The following TBC1D5 variants were observed in gnomAD, a reference collection of about 807,000 sequenced individuals.
TBC1D5 encodes TBC1 domain family, member 5.
A neutral mutation model predicts 100.3 loss-of-function variants in TBC1D5; 75 were observed. That is an observed-to-expected ratio of 0.75 (90% CI 0.62 to 0.91). TBC1D5 has a LOEUF of 0.91. TBC1D5 is among the 40% of genes least tolerant of loss of function. The pLI is 0.00. For synonymous variants in TBC1D5, 323 were observed against 325.6 expected, an observed-to-expected ratio of 0.99 and a Z score of 0.09; for missense variants, 910 against 942.4, an observed-to-expected ratio of 0.97 and a Z score of 0.45.
chr3:17,512,004 AT>A (rs912050752), intron 2 of TBC1D5, among the ~76,000 whole-genome samples: 19 of 151,772 alleles, frequency 1.3e-4, no homozygotes, highest in Admixed American at 7.9e-4. Flanking sequence ...TGCTGCTTTC[AT>A]TTTTTTTATC....
At chr3:17,702,854 A>C (rs891699286) in intron 1 of TBC1D5, among the ~76,000 whole-genome samples, 19 of 152,156 alleles carry the variant, frequency 1.2e-4, no homozygotes, top group Admixed American at 2.6e-4. Context: ...AGAGTGTGGC[A>C]AAAATTGTCA....
chr3:17,275,616 T>C lies in TBC1D5; in HGVS notation c.1245+16279A>G, dbSNP rs558613840. 2.6e-5 allele frequency among the ~76,000 whole-genome samples: 4 copies of C among 152,298 alleles called. No homozygotes were observed. In the Middle Eastern group the frequency reaches 0.01, roughly 389 times the overall value. On this transcript the variant is annotated intron_variant, in intron 15 of 21. Coordinates refer to ENST00000253692, the Ensembl canonical transcript of TBC1D5. The stretch of plus-strand genomic sequence containing the variant: ...GTTAGCAAGACTTGATTATATCCCT[T>C]GTATGATTAATATATATCTAACAAA...
chr3:17,260,753 T>G (rs565065890), intron 15 of TBC1D5, among the ~76,000 whole-genome samples: 20 of 152,298 alleles, frequency 1.3e-4, no homozygotes, highest in African/African-American at 4.8e-4. Flanking sequence ...CACCTATAAT[T>G]TAAAATTTTC....
At chr3:17,356,224 A>C (rs1436322978) in intron 13 of TBC1D5, among the ~76,000 whole-genome samples, 1 of 152,170 alleles carries the variant, frequency 6.6e-6, no homozygotes, top group East Asian at 1.9e-4. Flanking sequence ...CCCATTCATA[A>C]AATTTCTGAT....
chr3:17,676,879 C>A (rs537993566), intron 1 of TBC1D5, among the ~76,000 whole-genome samples: 1 of 152,284 alleles, frequency 6.6e-6, no homozygotes, highest in African/African-American at 2.4e-5. Flanking sequence ...TTTGACAAAT[C>A]TGACACAAAC....
intron 19 of TBC1D5, among the ~76,000 whole-genome samples, chr3:17,170,489 T>C (rs2067068328): frequency 6.6e-6 from 1 of 152,174 alleles, no homozygotes; most frequent in Admixed American, 6.5e-5. Context: ...TCTTTTGCTC[T>C]CCTAACTAGA....
At chr3:17,362,093 T>C (rs1157105779) in intron 13 of TBC1D5, among the ~76,000 whole-genome samples, 2 of 151,952 alleles carry the variant, frequency 1.3e-5, no homozygotes, top group Non-Finnish European at 1.5e-5. Flanking sequence ...TATTCATATT[T>C]AAAAAAGAAA....
At chr3:17,265,755 G>A (rs2078777643) in intron 15 of TBC1D5, among the ~76,000 whole-genome samples, 1 of 152,140 alleles carries the variant, frequency 6.6e-6, no homozygotes, top group Non-Finnish European at 1.5e-5. Flanking sequence ...TCCAAGTGCA[G>A]AGATGCCATG....
chr3:17,650,816 A>C (rs2065477026), intron 1 of TBC1D5, among the ~76,000 whole-genome samples: 1 of 152,222 alleles, frequency 6.6e-6, no homozygotes, highest in African/African-American at 2.4e-5. Context: ...GAATGTACTA[A>C]AACAGTGACT....
At chr3:17,199,886 G>A (rs1028335735) in intron 18 of TBC1D5, among the ~76,000 whole-genome samples, 2 of 152,038 alleles carry the variant, frequency 1.3e-5, no homozygotes, top group African/African-American at 4.8e-5. Context: ...TCCTCACAGA[G>A]GCAAAAATAA....
intron 2 of TBC1D5, among the ~76,000 whole-genome samples, chr3:17,544,586 G>C (rs867306969): frequency 2.6e-5 from 4 of 151,386 alleles, no homozygotes; most frequent in African/African-American, 9.7e-5. Flanking sequence ...GCGAGGCGGA[G>C]GTTGCAGTGA....
At chr3:17,253,068 T>C (rs947688941) in intron 16 of TBC1D5, among the ~76,000 whole-genome samples, 3 of 152,242 alleles carry the variant, frequency 2.0e-5, no homozygotes, top group South Asian at 4.1e-4. Context: ...AATAAATACA[T>C]ACTGTTTTGA....
intron 16 of TBC1D5, among the ~76,000 whole-genome samples, chr3:17,254,259 A>G (rs1283294852): frequency 6.6e-6 from 1 of 152,226 alleles, no homozygotes; most frequent in Non-Finnish European, 1.5e-5. Context: ...ATATTACAGG[A>G]TATATGTTTA....
At position 17,483,630 on chromosome 3, in the gene TBC1D5, T is replaced by C. The variant is rs75518099; in HGVS notation, c.97+24844A>G. Among the ~76,000 whole-genome samples the C allele has an allele frequency of 3.4e-3, 524 of 152,280 alleles. 2 individuals are homozygous for C. The highest frequency in any genetic ancestry group is 0.012 in the African/African-American group (509 of 41,554). On this transcript the variant is annotated intron_variant, in intron 3 of 21. Coordinates refer to ENST00000253692, the Ensembl canonical transcript of TBC1D5. The stretch of plus-strand genomic sequence containing the variant: ...AATTACAAAACTCACAATTGAACTG[T>C]ATATTATTAAAAGTGTTCACATTTA...
intron 1 of TBC1D5, among the ~76,000 whole-genome samples, chr3:17,641,872 T>C (rs1260921798): frequency 6.6e-6 from 1 of 152,140 alleles, no homozygotes; most frequent in Non-Finnish European, 1.5e-5. Flanking sequence ...AGGAAGCTAG[T>C]CCTGATTATA....
At chr3:17,707,376 C>CA (rs901199928) in intron 1 of TBC1D5, among the ~76,000 whole-genome samples, 12 of 152,034 alleles carry the variant, frequency 7.9e-5, no homozygotes, top group African/African-American at 2.9e-4. Context: ...GTAACTTATT[C>CA]AAAAAATGTT....
chr3:17,522,038 T>C (rs2096069130), intron 2 of TBC1D5, among the ~76,000 whole-genome samples: 1 of 152,002 alleles, frequency 6.6e-6, no homozygotes, highest in African/African-American at 2.4e-5. Flanking sequence ...AAGACTATCA[T>C]CATTTACAGA....
chr3:17,638,990 T>C (rs553466202), intron 1 of TBC1D5, among the ~76,000 whole-genome samples: 4 of 152,118 alleles, frequency 2.6e-5, no homozygotes, highest in African/African-American at 7.2e-5. Flanking sequence ...ATTTATCATA[T>C]GACATACCAA....
chr3:17,576,622 T>A (rs923023703), intron 2 of TBC1D5: 1 of 152,030 alleles, frequency 6.6e-6, no homozygotes, highest in African/African-American at 2.4e-5. Context: ...TTTCTATTCA[T>A]AGGGCCCAAT....
Sources: allele counts gnomAD v4.1 joint callset (sites outside exome capture counted in the v4.1 genomes callset), GRCh38; gene constraint gnomAD v4.1.1; transcripts MANE v1.5; gene names NCBI Gene and HGNC (gene_info 2026-07-23, HGNC 2026-07-21).